The following FSTL4 variants were observed in gnomAD, a reference collection of about 807,000 sequenced individuals.
The protein encoded by FSTL4 is follistatin-related protein 4.
In FSTL4, 28 loss-of-function variants were observed where a neutral mutation model predicts 78.2. That is an observed-to-expected ratio of 0.36 (90% CI 0.27 to 0.49). FSTL4 has a LOEUF of 0.49. FSTL4 is among the 20% of genes least tolerant of loss of function. The pLI is 0.98. For missense variants in FSTL4, 922 were observed against 1,084.9 expected, an observed-to-expected ratio of 0.85 and a Z score of 2.11; for synonymous variants, 422 against 440.5, an observed-to-expected ratio of 0.96 and a Z score of 0.53.
At chr5:133,700,643 GC>G in the FSTL4 span, among the ~76,000 whole-genome samples, 1 of 152,218 alleles carries the variant, frequency 6.6e-6, no homozygotes, top group African/African-American at 2.4e-5. Flanking sequence ...ACTGCAAACA[GC>G]CCCCAAGGGG....
At chr5:133,286,256 C>T (rs189062591) in intron 6 of FSTL4, among the ~76,000 whole-genome samples, 257 of 152,338 alleles carry the variant, frequency 1.7e-3, no homozygotes, top group African/African-American at 3.6e-3. Flanking sequence ...GAATCTGCCT[C>T]ATAGACTTTT....
the FSTL4 span, among the ~76,000 whole-genome samples, chr5:133,753,913 T>C: frequency 6.6e-6 from 1 of 152,274 alleles, no homozygotes; most frequent in East Asian, 1.9e-4. Flanking sequence ...TTATGCCCCT[T>C]AACTTCTCTA....
the FSTL4 span, among the ~76,000 whole-genome samples, chr5:133,661,357 C>T: frequency 6.6e-6 from 1 of 152,160 alleles, no homozygotes; most frequent in Non-Finnish European, 1.5e-5. Context: ...CTCTGAACTG[C>T]AGGCTCCTGG....
intron 6 of FSTL4, among the ~76,000 whole-genome samples, chr5:133,264,954 A>G (rs982144510): frequency 3.9e-5 from 6 of 152,148 alleles, no homozygotes; most frequent in African/African-American, 1.2e-4. Context: ...TTAGGGATGA[A>G]TGAACCAAAA....
intron 3 of FSTL4, among the ~76,000 whole-genome samples, chr5:133,534,583 C>T (rs905198495): frequency 1.3e-5 from 2 of 152,146 alleles, no homozygotes; most frequent in Non-Finnish European, 2.9e-5. Flanking sequence ...TCATAAGGTC[C>T]AGCCTCAGAA....
chr5:133,524,235 G>A (rs981504863), intron 3 of FSTL4, among the ~76,000 whole-genome samples: 2 of 152,186 alleles, frequency 1.3e-5, no homozygotes, highest in Non-Finnish European at 2.9e-5. Flanking sequence ...GCAGGCAGAG[G>A]TGAGATCACA....
At chr5:133,315,023 G>A (rs1753871384) in intron 5 of FSTL4, among the ~76,000 whole-genome samples, 1 of 152,296 alleles carries the variant, frequency 6.6e-6, no homozygotes, top group African/African-American at 2.4e-5. Context: ...TTAGCTGGGT[G>A]TGGTGGTGTA....
chr5:133,806,099 C>T, the FSTL4 span, among the ~76,000 whole-genome samples: 3 of 152,074 alleles, frequency 2.0e-5, no homozygotes, highest in Non-Finnish European at 4.4e-5. Context: ...TCATCTCTGG[C>T]CCGCAAAACA....
At chr5:133,380,071 AAAT>A (rs201381112) in intron 4 of FSTL4, among the ~76,000 whole-genome samples, 3,685 of 150,146 alleles carry the variant, frequency 0.025, 55 homozygotes, top group African/African-American at 0.039. Context: ...TCAAAAAAAA[AAAT>A]AAAATAAAAT....
chr5:133,441,957 A>C (rs1409578735), intron 3 of FSTL4, among the ~76,000 whole-genome samples: 1 of 152,198 alleles, frequency 6.6e-6, no homozygotes. Context: ...TCAACCAGTG[A>C]GTTGCTGGCA....
At chr5:133,647,003 A>C in the FSTL4 span, among the ~76,000 whole-genome samples, 1 of 152,198 alleles carries the variant, frequency 6.6e-6, no homozygotes, top group Admixed American at 6.5e-5. Context: ...CAAAAACAAC[A>C]TAATAAGGAG....
intron 3 of FSTL4, among the ~76,000 whole-genome samples, chr5:133,450,332 C>G (rs957923790): frequency 6.6e-6 from 1 of 152,214 alleles, no homozygotes; most frequent in Non-Finnish European, 1.5e-5. Context: ...GGTGAACCTA[C>G]TGAGCCCAGA....
At chr5:133,355,201 G>A (rs2126929696) in intron 4 of FSTL4, among the ~76,000 whole-genome samples, 1 of 152,350 alleles carries the variant, frequency 6.6e-6, no homozygotes, top group Non-Finnish European at 1.5e-5. Context: ...GGAAGGCAGT[G>A]CTCTAGACAC....
chr5:133,653,640 G>T, the FSTL4 span, among the ~76,000 whole-genome samples: 1 of 152,176 alleles, frequency 6.6e-6, no homozygotes, highest in African/African-American at 2.4e-5. Flanking sequence ...CTTTATTAAT[G>T]CACGAGGCAC....
intron 3 of FSTL4, among the ~76,000 whole-genome samples, chr5:133,480,699 C>G (rs1171037884): frequency 6.6e-6 from 1 of 152,112 alleles, no homozygotes; most frequent in Non-Finnish European, 1.5e-5. Context: ...CCAGCGAGGC[C>G]TCTGGGCAGT....
chr5:133,699,596 C>A, the FSTL4 span, among the ~76,000 whole-genome samples: 1 of 152,134 alleles, frequency 6.6e-6, no homozygotes, highest in Non-Finnish European at 1.5e-5. Context: ...AACCCCAGTG[C>A]CATGGCCGGG....
chr5:133,516,059 G>A (rs1758845587), intron 3 of FSTL4, among the ~76,000 whole-genome samples: 1 of 151,660 alleles, frequency 6.6e-6, no homozygotes, highest in Non-Finnish European at 1.5e-5. Flanking sequence ...AAAGACTAAC[G>A]TGCCATGACC....
chr5:133,485,731 A>C (rs1355757537), intron 3 of FSTL4, among the ~76,000 whole-genome samples: 1 of 152,216 alleles, frequency 6.6e-6, no homozygotes, highest in Non-Finnish European at 1.5e-5. Flanking sequence ...CTGGCCCTGG[A>C]AAACTCAGCC....
chr5:133,276,818 C>G (rs542371763), intron 6 of FSTL4, among the ~76,000 whole-genome samples: 9 of 152,308 alleles, frequency 5.9e-5, no homozygotes, highest in South Asian at 2.1e-4. Flanking sequence ...CAAGCTGGTA[C>G]ATCAACCCAG....
Sources: allele counts gnomAD v4.1 joint callset (sites outside exome capture counted in the v4.1 genomes callset), GRCh38; gene constraint gnomAD v4.1.1; transcripts MANE v1.5; gene names NCBI Gene and HGNC (gene_info 2026-07-23, HGNC 2026-07-21).